Variants in ANO3 observed in about 807,000 individuals in gnomAD.
The protein encoded by ANO3 is anoctamin 3.
ANO3 carries 99 observed loss-of-function variants against 144.8 expected under a neutral mutation model. The ratio of observed to expected loss-of-function variants is 0.68; its 90% CI spans 0.58 to 0.81. ANO3 has a LOEUF of 0.81. Among genes scored for constraint, ANO3 ranks in the 30% least tolerant of loss-of-function variants. The probability of loss-of-function intolerance (pLI) is 0.00; values close to 1 mark genes in which losing one functional copy is unlikely to be tolerated. For synonymous variants in ANO3, 414 were observed against 392.6 expected, an observed-to-expected ratio of 1.05 and a Z score of -0.64; for missense variants, 905 against 1,202.2, an observed-to-expected ratio of 0.75 and a Z score of 3.66.
intron 1 of ANO3, among the ~76,000 whole-genome samples, chr11:26,422,350 T>G (rs1170551180): frequency 6.6e-6 from 1 of 152,056 alleles, no homozygotes; most frequent in Non-Finnish European, 1.5e-5. Flanking sequence ...AAATGATATC[T>G]GAATAGCAGC....
upstream of ANO3, among the ~76,000 whole-genome samples, chr11:26,327,315 T>C (rs139675169): frequency 8.2e-3 from 1,250 of 152,314 alleles, 15 homozygotes; most frequent in African/African-American, 0.028. Flanking sequence ...CATACATGTA[T>C]AATGCATGGT....
intron 4 of ANO3, among the ~76,000 whole-genome samples, chr11:26,491,538 A>G (rs1371597277): frequency 6.6e-6 from 1 of 152,220 alleles, no homozygotes; most frequent in African/African-American, 2.4e-5. Flanking sequence ...CTCAGCATAA[A>G]GAAGGGTATT....
At chr11:26,209,346 G>C (rs1474530056) in intron 1 of ANO3, among the ~76,000 whole-genome samples, 1 of 152,152 alleles carries the variant, frequency 6.6e-6, no homozygotes, top group Admixed American at 6.5e-5. Context: ...TGGCTGCAAA[G>C]TATTCCATTT....
intron 14 of ANO3, among the ~76,000 whole-genome samples, chr11:26,588,836 C>A (rs1851361903): frequency 6.6e-6 from 1 of 152,132 alleles, no homozygotes; most frequent in African/African-American, 2.4e-5. Flanking sequence ...CTATTTACTT[C>A]CTCTATATTC....
chr11:26,389,040 A>G (rs7480892), intron 1 of ANO3, among the ~76,000 whole-genome samples: 40,407 of 152,002 alleles, frequency 0.27, 6,024 homozygotes, highest in African/African-American at 0.41. Flanking sequence ...TGATATGCAA[A>G]ATTCAATGTT....
Position 26,362,326 on chromosome 11 carries a change from A to G in ANO3, c.46+30005A>G, listed in dbSNP as rs922810302. Reference sequence around the variant, plus strand: ...TTATCTGTAATTCTCATAACAGTACAAGGTAGATTGGAAACTGAAGCTCTA... The same window carrying G: ...TTATCTGTAATTCTCATAACAGTACGAGGTAGATTGGAAACTGAAGCTCTA... On this transcript the variant is annotated intron_variant, in intron 1 of 26. Transcript: ENST00000256737. Among the ~76,000 whole-genome samples, 12 of 152,192 alleles carry G rather than the reference A, an allele frequency of 7.9e-5. No individual in the cohort carries two copies. In the South Asian group the frequency reaches 8.3e-4, roughly 10 times the overall value.
intron 3 of ANO3, among the ~76,000 whole-genome samples, chr11:26,450,883 G>A (rs1858905551): frequency 6.6e-6 from 1 of 152,108 alleles, no homozygotes. Flanking sequence ...GACTGAGCTG[G>A]AATAATTTAG....
chr11:26,531,762 A>C (rs1020402000), intron 8 of ANO3, among the ~76,000 whole-genome samples: 4 of 152,194 alleles, frequency 2.6e-5, no homozygotes, highest in Admixed American at 6.5e-5. Flanking sequence ...TATCTATTTT[A>C]GTTCAATCTT....
At chr11:26,462,716 GA>G (rs1859457959) in intron 3 of ANO3, among the ~76,000 whole-genome samples, 2 of 151,276 alleles carry the variant, frequency 1.3e-5, no homozygotes, top group Admixed American at 1.3e-4. Context: ...AAAACATGAT[GA>G]TTTTTTTCAT....
chr11:26,562,197 AT>A (rs1565106282), intron 14 of ANO3, among the ~76,000 whole-genome samples: 4 of 151,860 alleles, frequency 2.6e-5, no homozygotes, highest in Admixed American at 2.6e-4. Context: ...CTATCCTTTA[AT>A]TTTTGAAGAA....
intron 1 of ANO3, among the ~76,000 whole-genome samples, chr11:26,350,057 AAGGGGGAGGAG>A: frequency 6.6e-6 from 1 of 150,492 alleles, no homozygotes; most frequent in Non-Finnish European, 1.5e-5. Flanking sequence ...ACAGGAACGG[AAGGGGGAGGAG>A]ACAGGAACGG....
At chr11:26,309,714 A>G (rs1854464033) in exon 1 of ANO3, 31 of 985,170 alleles carry the variant, frequency 3.1e-5, no homozygotes, top group Non-Finnish European at 3.7e-5. Context: ...GGCAAATATA[A>G]TGAAGGTGAG....
At chr11:26,385,313 T>C (rs1856692584) in intron 1 of ANO3, among the ~76,000 whole-genome samples, 2 of 152,174 alleles carry the variant, frequency 1.3e-5, no homozygotes, top group African/African-American at 4.8e-5. Context: ...GGCATTGATA[T>C]ATTCGCTTTA....
Position 26,407,066 on chromosome 11 carries a change from G to GTATATATA in ANO3, c.47-34851_47-34850insATATATAT, listed in dbSNP as rs1293298817. On this transcript the variant is annotated intron_variant, in intron 1 of 26. Transcript: ENST00000256737. ...TATATGGGTGTGTGTGTGTGTGTGT[G>GTATATATA]TGTGTGTGTGTATATATATATATAT... 9.8e-3 allele frequency among the ~76,000 whole-genome samples: 559 copies of GTATATATA among 57,144 alleles called. 3 individuals are homozygous for GTATATATA. Among genetic ancestry groups the GTATATATA allele is most frequent in the Non-Finnish European group, 0.019 (426 of 21,892 alleles). 37.5% of individuals were successfully genotyped at this position (57,144 alleles called of 152,430 possible). A position where few individuals can be genotyped will look rare whatever the true frequency, so the allele number is the denominator to read the frequency against.
At chr11:26,442,192 T>C (rs1016082508) in intron 2 of ANO3, 80 bp downstream of exon 2, 8 of 1,395,790 alleles carry the variant, frequency 5.7e-6, no homozygotes, top group African/African-American at 1.4e-5. Flanking sequence ...CCTTTTTCCA[T>C]TGGACCAGTT....
chr11:26,455,918 C>T (rs1247215632), intron 3 of ANO3, among the ~76,000 whole-genome samples: 1 of 151,762 alleles, frequency 6.6e-6, no homozygotes, highest in East Asian at 1.9e-4. Flanking sequence ...GAAATAATGC[C>T]ATATATCTAC....
intron 4 of ANO3, among the ~76,000 whole-genome samples, chr11:26,485,237 C>A (rs1201710386): frequency 6.6e-6 from 1 of 152,034 alleles, no homozygotes; most frequent in Non-Finnish European, 1.5e-5. Context: ...TGTGTCTCTG[C>A]CCAAATCTCA....
intron 1 of ANO3, among the ~76,000 whole-genome samples, chr11:26,351,104 A>G (rs1855634043): frequency 6.6e-6 from 1 of 152,162 alleles, no homozygotes; most frequent in African/African-American, 2.4e-5. Context: ...AATTGTATAA[A>G]TTCAGAGATA....
chr11:26,635,359 T>C (rs1202447595), intron 20 of ANO3, among the ~76,000 whole-genome samples: 2 of 152,132 alleles, frequency 1.3e-5, no homozygotes. Flanking sequence ...AAATTATTAT[T>C]ATTCATTAGG....
Sources: allele counts gnomAD v4.1 joint callset (sites outside exome capture counted in the v4.1 genomes callset), GRCh38; gene constraint gnomAD v4.1.1; transcripts MANE v1.5; gene names NCBI Gene and HGNC (gene_info 2026-07-23, HGNC 2026-07-21).